The following SUV39H2 variants were observed in gnomAD, a reference collection of about 807,000 sequenced individuals.
The protein encoded by SUV39H2 is SUV39H2 histone lysine methyltransferase.
A neutral mutation model predicts 47.5 loss-of-function variants in SUV39H2; 10 were observed. The ratio of observed to expected loss-of-function variants is 0.21; its 90% CI spans 0.13 to 0.36. The LOEUF (loss-of-function observed/expected upper bound fraction) is 0.36, where lower values mean the gene tolerates loss of function less well. Ranked by LOEUF, SUV39H2 falls within the 10% of genes least tolerant of loss-of-function variation. The pLI is 1.00. For synonymous variants in SUV39H2, 159 were observed against 166.8 expected (o/e 0.95, Z 0.36); for missense variants, 266 against 487.4 (o/e 0.55, Z 4.28).
intron 2 of SUV39H2, among the ~76,000 whole-genome samples, chr10:14,891,772 T>C (rs1833397349): frequency 6.6e-6 from 1 of 152,096 alleles, no homozygotes; most frequent in Non-Finnish European, 1.5e-5. Flanking sequence ...CAGTGGTGAG[T>C]TACATGTCGA....
chr10:14,886,241 A>G (rs1488398897), intron 2 of SUV39H2, among the ~76,000 whole-genome samples: 3 of 151,990 alleles, frequency 2.0e-5, no homozygotes, highest in Non-Finnish European at 4.4e-5. Context: ...TCAGAATACT[A>G]CCATTTCTCT....
intron 1 of SUV39H2, 97 bp downstream of exon 1, chr10:14,879,016 C>T: frequency 7.6e-7 from 1 of 1,318,334 alleles, no homozygotes; most frequent in Admixed American, 4.2e-5. Context: ...CAGATGGCGA[C>T]GTGGCGGTTC....
chr10:14,885,488 C>G (rs1256065737), intron 2 of SUV39H2, among the ~76,000 whole-genome samples: 1 of 152,168 alleles, frequency 6.6e-6, no homozygotes, highest in East Asian at 1.9e-4. Flanking sequence ...GTAATAGTTA[C>G]TTACGGGTCT....
chr10:14,890,112 A>G (rs1023607312), intron 2 of SUV39H2, among the ~76,000 whole-genome samples: 3 of 152,248 alleles, frequency 2.0e-5, no homozygotes, highest in African/African-American at 7.2e-5. Context: ...ATCTGACAAT[A>G]TAGTGATATT....
At chr10:14,880,542 G>A (rs1011391757) in intron 1 of SUV39H2, among the ~76,000 whole-genome samples, 1 of 152,212 alleles carries the variant, frequency 6.6e-6, no homozygotes, top group Non-Finnish European at 1.5e-5. Context: ...CGGTGACCGA[G>A]CGATGGGTAG....
At chr10:14,888,297 G>A (rs752657427) in intron 2 of SUV39H2, among the ~76,000 whole-genome samples, 1 of 152,120 alleles carries the variant, frequency 6.6e-6, no homozygotes, top group Non-Finnish European at 1.5e-5. Context: ...TCATAGGAAG[G>A]ACTGTCAGAG....
At chr10:14,897,706 TA>T (rs1833683550) in intron 3 of SUV39H2, 189 bp downstream of exon 3, 3 of 414,220 alleles carry the variant, frequency 7.2e-6, no homozygotes, top group Non-Finnish European at 8.1e-6. Flanking sequence ...TTTATATGAA[TA>T]AAAAATATAC....
chr10:14,896,969 T>G lies in SUV39H2; in HGVS notation c.301T>G (p.Leu101Val), dbSNP rs1833645139. 6.2e-7 allele frequency: 1 copy of G among 1,613,964 alleles called. No homozygotes were observed. Among genetic ancestry groups the G allele is most frequent in the Admixed American group, 1.7e-5 (1 of 60,010 alleles). Reference sequence around the variant, plus strand: ...ATTCTCTAATGACAAGCATAATTATTTATCTCAGGTAAAGAAAGGCAAAGC... The same window carrying G: ...ATTCTCTAATGACAAGCATAATTATGTATCTCAGGTAAAGAAAGGCAAAGC... Reference protein sequence around the residue: ...QQFSNDKHNYLSQVKKGKAIT... With the variant: ...QQFSNDKHNYVSQVKKGKAIT... The change falls in exon 3 of 6, where the codon TTA becomes GTA. Residue 101 changes from leucine to valine, a missense_variant. This residue lies in a region of SUV39H2 where 91 missense variants were observed against 110.9 expected (regional missense o/e 0.82). Coordinates refer to ENST00000354919, the MANE Select transcript of SUV39H2 (RefSeq NM_001193424.2).
At chr10:14,885,026 A>G (rs1345580972) in intron 2 of SUV39H2, among the ~76,000 whole-genome samples, 1 of 151,992 alleles carries the variant, frequency 6.6e-6, no homozygotes, top group Non-Finnish European at 1.5e-5. Context: ...TGTTTTTCTT[A>G]CTATTCTTTA....
At chr10:14,899,874 G>A (rs1833875635) in intron 4 of SUV39H2, among the ~76,000 whole-genome samples, 189 bp downstream of exon 4, 2 of 152,188 alleles carry the variant, frequency 1.3e-5, no homozygotes, top group Non-Finnish European at 2.9e-5. Context: ...ACATTGAGGT[G>A]CCTACCAAAT....
chr10:14,889,661 A>T (rs1457598245), intron 2 of SUV39H2, among the ~76,000 whole-genome samples: 1 of 152,202 alleles, frequency 6.6e-6, no homozygotes, highest in Non-Finnish European at 1.5e-5. Flanking sequence ...AAGGTCATAC[A>T]TCACTGAAAA....
At chr10:14,893,974 C>T (rs1287265058) in intron 2 of SUV39H2, among the ~76,000 whole-genome samples, 1 of 152,112 alleles carries the variant, frequency 6.6e-6, no homozygotes, top group East Asian at 1.9e-4. Context: ...TGATAGGAAA[C>T]ACTGTAGCCA....
chr10:14,890,514 T>A (rs1464135534), intron 2 of SUV39H2, among the ~76,000 whole-genome samples: 1 of 152,172 alleles, frequency 6.6e-6, no homozygotes, highest in South Asian at 2.1e-4. Context: ...CATCTCCGCC[T>A]CTTGAGTAGC....
In SUV39H2 at chr10:14,903,603, AATT is replaced by A. The variant is rs1834164048; in HGVS notation, c.*1096_*1098del. 1 of 152,136 alleles carries A rather than the reference AATT, an allele frequency of 6.6e-6. No homozygotes were observed. Among genetic ancestry groups the A allele is most frequent in the Non-Finnish European group, 1.5e-5 (1 of 68,024 alleles). 9.4% of individuals were successfully genotyped at this position (152,136 alleles called of 1,614,324 possible). On this transcript the variant is annotated 3_prime_UTR_variant, in exon 6 of 6. Transcript: ENST00000354919. The stretch of plus-strand genomic sequence containing the variant: ...TAAACTTGGCCAAAGTGTGTGCCTG[AATT>A]ATTAGACCTTTTTATTAGTCAACCT...
intron 3 of SUV39H2, chr10:14,899,104 G>C: frequency 3.2e-6 from 2 of 632,450 alleles, no homozygotes; most frequent in Non-Finnish European, 2.9e-6. Context: ...AGGCTCACTT[G>C]AGCCCAGGAG....
At chr10:14,890,469 T>C (rs540951880) in intron 2 of SUV39H2, among the ~76,000 whole-genome samples, 1 of 152,328 alleles carries the variant, frequency 6.6e-6, no homozygotes, top group East Asian at 1.9e-4. Flanking sequence ...CTTGGCTCAC[T>C]GCAGCCTTGA....
At chr10:14,899,763 C>G in intron 4 of SUV39H2, 78 bp downstream of exon 4, 1 of 1,494,780 alleles carries the variant, frequency 6.7e-7, no homozygotes, top group South Asian at 1.3e-5. Context: ...AGAATAATTC[C>G]CTTTAAACTA....
chr10:14,879,877 G>C (rs1169668542), intron 1 of SUV39H2: 4 of 148,612 alleles, frequency 2.7e-5, no homozygotes, highest in African/African-American at 9.9e-5. Flanking sequence ...TCGAGAGATT[G>C]TCTTTCTTTT....
chr10:14,897,676 A>G (rs1833680523), intron 3 of SUV39H2, 159 bp downstream of exon 3: 4 of 563,556 alleles, frequency 7.1e-6, no homozygotes, highest in Non-Finnish European at 1.1e-5. Flanking sequence ...GTTCACTGGC[A>G]TATTTAGAAA....
Sources: gnomAD v4.1 joint callset for allele counts (sites outside exome capture counted in the v4.1 genomes callset) on GRCh38, gnomAD v4.1.1 for gene constraint, gnomAD v4.1.1 regional missense constraint, MANE v1.5 for transcripts, NCBI Gene and HGNC (gene_info 2026-07-23, HGNC 2026-07-21) for gene names.